Variants in APBB2 observed in about 807,000 individuals in gnomAD.
The protein encoded by APBB2 is Fe65-like 1.
A neutral mutation model predicts 82.5 loss-of-function variants in APBB2; 38 were observed. That is an observed-to-expected ratio of 0.46 (90% CI 0.36 to 0.60). APBB2 has a LOEUF of 0.60. Ranked by LOEUF, APBB2 falls within the 20% of genes least tolerant of loss-of-function variation. The probability of loss-of-function intolerance (pLI) is 0.00; values close to 1 mark genes in which losing one functional copy is unlikely to be tolerated. For synonymous variants in APBB2, 341 were observed against 368.2 expected (o/e 0.93, Z 0.85); for missense variants, 772 against 972.3 (o/e 0.79, Z 2.74).
At chr4:40,867,143 A>C (rs1764233134) in intron 12 of APBB2, among the ~76,000 whole-genome samples, 1 of 152,222 alleles carries the variant, frequency 6.6e-6, no homozygotes, top group Non-Finnish European at 1.5e-5. Context: ...ACAGCCATGC[A>C]CATTCATTTA....
intron 6 of APBB2, among the ~76,000 whole-genome samples, chr4:40,946,838 G>A (rs778398630): frequency 1.3e-5 from 2 of 152,154 alleles, no homozygotes; most frequent in Non-Finnish European, 2.9e-5. Context: ...TGCAAGTGTC[G>A]CTGCATCACG....
At position 40,815,862 on chromosome 4, in the gene APBB2, C is replaced by T; in HGVS notation, c.*230G>A. ...ATATTTACAATAAGAAAAAGACCTT[C>T]CACTGCGCATGATGTAACTTACAGC... On this transcript the variant is annotated 3_prime_UTR_variant, in exon 18 of 18. Transcript: ENST00000508593. 2.0e-6 allele frequency: 1 copy of T among 500,798 alleles called. No individual in the cohort carries two copies. Among genetic ancestry groups the T allele is most frequent in the Non-Finnish European group, 3.6e-6 (1 of 279,370 alleles). 31.0% of individuals were successfully genotyped at this position (500,798 alleles called of 1,614,324 possible).
chr4:40,920,754 C>A (rs1781050408), intron 10 of APBB2, among the ~76,000 whole-genome samples: 1 of 152,166 alleles, frequency 6.6e-6, no homozygotes, highest in South Asian at 2.1e-4. Context: ...ACCTGTAATC[C>A]CAGCTAGTCA....
At chr4:41,115,931 G>A (rs1750827414) in intron 2 of APBB2, among the ~76,000 whole-genome samples, 1 of 152,184 alleles carries the variant, frequency 6.6e-6, no homozygotes, top group Non-Finnish European at 1.5e-5. Context: ...TCTAGAACCA[G>A]AAATACCATT....
At chr4:41,111,290 G>A (rs1353269225) in intron 2 of APBB2, among the ~76,000 whole-genome samples, 1 of 152,202 alleles carries the variant, frequency 6.6e-6, no homozygotes, top group Non-Finnish European at 1.5e-5. Context: ...CTTAGGGGTT[G>A]GGGACCCCAT....
intron 6 of APBB2, among the ~76,000 whole-genome samples, chr4:40,980,722 G>A (rs1198134805): frequency 6.6e-6 from 1 of 152,192 alleles, no homozygotes; most frequent in African/African-American, 2.4e-5. Context: ...TGCTGCACAT[G>A]GGCATAAAAT....
intron 5 of APBB2, among the ~76,000 whole-genome samples, chr4:41,024,979 C>T (rs946561164): frequency 3.3e-5 from 5 of 152,218 alleles, no homozygotes; most frequent in Non-Finnish European, 5.9e-5. Flanking sequence ...CACTACGATT[C>T]GCGCCACTGT....
chr4:41,044,148 G>T (rs1183948068), intron 4 of APBB2, among the ~76,000 whole-genome samples: 1 of 152,116 alleles, frequency 6.6e-6, no homozygotes, highest in East Asian at 1.9e-4. Context: ...CATCTACTGG[G>T]TGGAAAAATT....
chr4:40,971,686 A>C lies in APBB2; in HGVS notation c.836-26613T>G, dbSNP rs141568750. Among the ~76,000 whole-genome samples, 168 of 152,348 alleles carry C rather than the reference A, an allele frequency of 1.1e-3. 1 individual carries two copies. Among genetic ancestry groups the C allele is most frequent in the African/African-American group, 3.9e-3 (161 of 41,574 alleles). On this transcript the variant is annotated intron_variant, in intron 6 of 17. Coordinates refer to ENST00000508593, the MANE Select transcript of APBB2 (RefSeq NM_004307.2). ...GAGGCCTGAAGGAGTTAATATCTCT[A>C]ATTTAGTACTAGAAAATGTTTCAAA...
chr4:40,857,202 G>T, intron 12 of APBB2: 1 of 984,602 alleles, frequency 1.0e-6, no homozygotes, highest in Non-Finnish European at 1.2e-6. Flanking sequence ...TGCCCCGCCC[G>T]CCGCGGCCGC....
intron 10 of APBB2, among the ~76,000 whole-genome samples, chr4:40,912,840 T>C (rs1028341905): frequency 1.3e-5 from 2 of 152,162 alleles, no homozygotes; most frequent in African/African-American, 4.8e-5. Context: ...AGAATCCCGC[T>C]TCTATTCCTG....
At chr4:40,958,205 A>G (rs1221939320) in intron 6 of APBB2, among the ~76,000 whole-genome samples, 1 of 152,210 alleles carries the variant, frequency 6.6e-6, no homozygotes, top group Non-Finnish European at 1.5e-5. Context: ...TATCACTGGA[A>G]TGTCTAATTC....
intron 5 of APBB2, among the ~76,000 whole-genome samples, chr4:41,029,372 T>C (rs555073176): frequency 6.6e-6 from 1 of 152,298 alleles, no homozygotes; most frequent in South Asian, 2.1e-4. Flanking sequence ...GCAAAAGTTA[T>C]CAATAAGGCA....
chr4:41,131,580 G>A (rs1353956897), intron 2 of APBB2, among the ~76,000 whole-genome samples: 1 of 152,084 alleles, frequency 6.6e-6, no homozygotes, highest in Non-Finnish European at 1.5e-5. Context: ...TTCCTGGCAT[G>A]ACTAAGTTTA....
intron 5 of APBB2, among the ~76,000 whole-genome samples, chr4:41,021,318 A>G (rs1811433705): frequency 6.6e-6 from 1 of 152,230 alleles, no homozygotes; most frequent in East Asian, 1.9e-4. Context: ...AATTCCCAAC[A>G]GCAGGTGGGG....
intron 1 of APBB2, among the ~76,000 whole-genome samples, chr4:41,146,152 C>T (rs1470408890): frequency 6.6e-6 from 1 of 151,996 alleles, no homozygotes; most frequent in Non-Finnish European, 1.5e-5. Context: ...ATGCCAAAAC[C>T]CTTTCACTTC....
intron 3 of APBB2, among the ~76,000 whole-genome samples, chr4:41,075,612 T>A (rs1735385924): frequency 2.0e-5 from 3 of 152,164 alleles, no homozygotes; most frequent in Non-Finnish European, 2.9e-5. Flanking sequence ...GAATGTTTTC[T>A]TCCAGCTTGG....
intron 16 of APBB2, among the ~76,000 whole-genome samples, chr4:40,822,618 A>G (rs1396103549): frequency 6.6e-6 from 1 of 152,210 alleles, no homozygotes; most frequent in Non-Finnish European, 1.5e-5. Context: ...GAGGCAGCGT[A>G]AAGAAATGTT....
chr4:41,103,775 A>G (rs1456863811), intron 2 of APBB2, among the ~76,000 whole-genome samples: 1 of 152,202 alleles, frequency 6.6e-6, no homozygotes, highest in Non-Finnish European at 1.5e-5. Context: ...GAATCCAGCC[A>G]ATAGAATGAA....
Sources: allele counts gnomAD v4.1 joint callset (sites outside exome capture counted in the v4.1 genomes callset), GRCh38; gene constraint gnomAD v4.1.1; transcripts MANE v1.5; gene names NCBI Gene and HGNC (gene_info 2026-07-23, HGNC 2026-07-21).